Variants in CAPN14 observed in about 807,000 individuals in gnomAD.
The protein encoded by CAPN14 is calpain 14, also known as calpain-14.
A neutral mutation model predicts 101.3 loss-of-function variants in CAPN14; 94 were observed. The ratio of observed to expected loss-of-function variants is 0.93; its 90% confidence interval spans 0.79 to 1.10. The LOEUF (loss-of-function observed/expected upper bound fraction) is 1.10, where lower values mean the gene tolerates loss of function less well. CAPN14 is among the 50% of genes least tolerant of loss of function. The pLI is 0.00. For synonymous variants in CAPN14, 338 were observed against 317.9 expected, an observed-to-expected ratio of 1.06 and a Z score of -0.67; for missense variants, 837 against 828.4, an observed-to-expected ratio of 1.01 and a Z score of -0.13.
In CAPN14 at chr2:31,192,052, G is replaced by C; in HGVS notation, c.1161C>G (p.Pro387=). 6.4e-7 allele frequency: 1 copy of C among 1,551,328 alleles called. No individual in the cohort carries two copies. The highest frequency in any genetic ancestry group is 8.7e-7 in the Non-Finnish European group (1 of 1,146,818). The part of the protein sequence containing the change: ...NPQFLLSVWR[P]EEGRRSLRPC... ...GCCTCAGGGATCTCCTGCCCTCCTC[G>C]GGCCTCCAGACAGACAGCAGGAACT... The change falls in exon 11 of 22, where the codon CCC becomes CCG. Residue 387 remains proline (P), a synonymous_variant. Transcript: ENST00000403897.
rs4592896 is a variant in CAPN14 at position 31,177,122 on chromosome 2, C to T, written c.1876G>A (p.Val626Ile). 0.26 allele frequency: 395,760 copies of T among 1,548,972 alleles called. 56,461 individuals are homozygous for T. Among genetic ancestry groups the T allele is most frequent in the African/African-American group, 0.57 (41,799 of 73,078 alleles). ...REAGIMLSDD[V>I]CQLMLIRYGG... ...TAGCGGATGAGCATCAGCTGACAGA[C>T]GTCATCACTGAGCATGATTCCTGCA... Residue 626 changes from valine to isoleucine, a missense_variant, in exon 20 of 22, where the codon GTC becomes ATC. By Grantham distance (29) the Val-to-Ile change is conservative. Coordinates refer to ENST00000403897, the MANE Select transcript of CAPN14 (RefSeq NM_001145122.2).
chr2:31,225,781 A>G (rs1455083728), intron 2 of CAPN14, among the ~76,000 whole-genome samples: 1 of 152,162 alleles, frequency 6.6e-6, no homozygotes, highest in African/African-American at 2.4e-5. Flanking sequence ...GGAAAAGATC[A>G]GATGGTAAGT....
chr2:31,192,176 C>G (rs981653913), intron 10 of CAPN14, 78 bp from the exon 11 acceptor site: 2 of 1,438,608 alleles, frequency 1.4e-6, no homozygotes, highest in South Asian at 2.9e-5. Flanking sequence ...AAGAGGTGAA[C>G]AGTCTGAGGA....
chr2:31,176,715 T>A, intron 20 of CAPN14, 73 bp from the exon 21 acceptor site: 1 of 1,332,584 alleles, frequency 7.5e-7, no homozygotes, highest in African/African-American at 1.5e-5. Context: ...TCCTCCCATA[T>A]GTCTCACCTT....
chr2:31,199,571 T>A, intron 6 of CAPN14, 39 bp from the exon 7 acceptor site: 1 of 1,508,942 alleles, frequency 6.6e-7, no homozygotes, highest in Non-Finnish European at 9.0e-7. Flanking sequence ...TCTTCTGTTA[T>A]GTACAGCTTA....
In CAPN14 at chr2:31,197,348, G is replaced by A; in HGVS notation, c.790-14C>T. 1.3e-6 allele frequency: 2 copies of A among 1,538,106 alleles called. No homozygotes were observed. The highest frequency in any genetic ancestry group is 1.8e-6 in the Non-Finnish European group (2 of 1,134,662). On this transcript the variant is annotated splice_polypyrimidine_tract_variant and intron_variant, in intron 7 of 21. Coordinates refer to ENST00000403897, the MANE Select transcript of CAPN14 (RefSeq NM_001145122.2). ...TTTGCAGGTCACCTGCATAAAATGA[G>A]AGGCAGTTTAGGTGACTGGGCTGAG...
intron 1 of CAPN14, among the ~76,000 whole-genome samples, chr2:31,214,136 G>A (rs896663946): frequency 2.6e-5 from 4 of 152,156 alleles, no homozygotes; most frequent in African/African-American, 7.2e-5. Context: ...TCATGATATA[G>A]TCACATAATA....
chr2:31,225,681 T>C (rs1361104210), intron 2 of CAPN14, among the ~76,000 whole-genome samples: 3 of 152,134 alleles, frequency 2.0e-5, no homozygotes, highest in African/African-American at 7.2e-5. Context: ...AGAATTTCCA[T>C]ATGGCTGAAT....
At chr2:31,176,932 C>A in intron 20 of CAPN14, 94 bp downstream of exon 20, 1 of 923,704 alleles carries the variant, frequency 1.1e-6, no homozygotes, top group Non-Finnish European at 1.7e-6. Context: ...TCTGGGATGG[C>A]GGCTGTCCTC....
chr2:31,223,427 C>G (rs558518635), intron 2 of CAPN14, among the ~76,000 whole-genome samples: 1 of 152,140 alleles, frequency 6.6e-6, no homozygotes, highest in Non-Finnish European at 1.5e-5. Context: ...CCCATCAGAC[C>G]CCATCTGGAG....
chr2:31,195,588 C>T (rs919191676), intron 8 of CAPN14, among the ~76,000 whole-genome samples: 14 of 152,154 alleles, frequency 9.2e-5, no homozygotes, highest in Non-Finnish European at 1.5e-4. Context: ...CTGCCTTCCT[C>T]GACCTCCCAA....
At chr2:31,190,137 T>TTCTCTCTCTC (rs3031867) in intron 12 of CAPN14, among the ~76,000 whole-genome samples, 9,886 of 142,538 alleles carry the variant, frequency 0.069, 524 homozygotes, top group African/African-American at 0.13. Flanking sequence ...CTGATTCATA[T>TTCTCTCTCTC]TCTCTCTCTC....
intron 1 of CAPN14, among the ~76,000 whole-genome samples, chr2:31,209,735 A>G (rs1682291883): frequency 6.6e-6 from 1 of 151,838 alleles, no homozygotes; most frequent in Admixed American, 6.6e-5. Context: ...AGCCAGTGTG[A>G]GCAGGATGAC....
At chr2:31,190,225 G>A (rs942691831) in intron 12 of CAPN14, among the ~76,000 whole-genome samples, 1 of 145,662 alleles carries the variant, frequency 6.9e-6, no homozygotes, top group African/African-American at 2.6e-5. Flanking sequence ...TCTCCCCTTT[G>A]TTCTCACTCA....
At chr2:31,185,028 T>C (rs1222523970) in intron 16 of CAPN14, among the ~76,000 whole-genome samples, 1 of 152,244 alleles carries the variant, frequency 6.6e-6, no homozygotes, top group East Asian at 1.9e-4. Context: ...CCTGACTACA[T>C]TTCATCTTTT....
rs777982709 is a variant in CAPN14, at chr2:31,193,214, G to A, written c.1031C>T (p.Ala344Val). 1.0e-5 allele frequency: 16 copies of A among 1,551,490 alleles called. No homozygotes were observed. In the Admixed American group the frequency reaches 1.4e-4, roughly 13 times the overall value. ...CATGGTGTACGTCCACTTCTGGGCC[G>A]CCTCCTGGCTCAACAGGCCTGGGGT... ...KLTPGLLSQE[A>V]AQKWTYTMRE... Residue 344 changes from alanine to valine, a missense_variant, in exon 10 of 22, where the codon GCG becomes GTG. Physicochemically the swap from Ala to Val is moderately conservative, Grantham distance 64 (BLOSUM62 0). Coordinates refer to ENST00000403897, the MANE Select transcript of CAPN14 (RefSeq NM_001145122.2).
chr2:31,232,110 C>T (rs1003987216), intron 1 of CAPN14, among the ~76,000 whole-genome samples: 5 of 152,128 alleles, frequency 3.3e-5, no homozygotes, highest in African/African-American at 9.7e-5. Flanking sequence ...TGCAGCTTCA[C>T]CACACTCCTC....
At chr2:31,205,814 G>A (rs1354503386) in intron 1 of CAPN14, among the ~76,000 whole-genome samples, 1 of 151,970 alleles carries the variant, frequency 6.6e-6, no homozygotes, top group Non-Finnish European at 1.5e-5. Flanking sequence ...TTAGTGGGGA[G>A]GCAGGAGAAG....
chr2:31,227,657 C>G (rs1683064952), intron 1 of CAPN14, among the ~76,000 whole-genome samples: 1 of 152,206 alleles, frequency 6.6e-6, no homozygotes, highest in Non-Finnish European at 1.5e-5. Context: ...TTCTCTTACC[C>G]TGGTTTCACT....
Sources: gnomAD v4.1 joint callset for allele counts (sites outside exome capture counted in the v4.1 genomes callset) on GRCh38, gnomAD v4.1.1 for gene constraint, MANE v1.5 for transcripts, NCBI Gene and HGNC (gene_info 2026-07-23, HGNC 2026-07-21) for gene names.